NOTCH2: variants seen among roughly 807,000 people sequenced by gnomAD.
NOTCH2 encodes the protein neurogenic locus notch homolog protein 2.
Under a neutral mutation model 235.8 loss-of-function variants are expected in NOTCH2, and 29 were observed. That is an observed-to-expected ratio of 0.12 (90% confidence interval 0.09 to 0.17). NOTCH2 has a LOEUF of 0.17. Among genes scored for constraint, NOTCH2 ranks in the 10% least tolerant of loss-of-function variants. NOTCH2 has a pLI of 1.00. For synonymous variants in NOTCH2, 1,086 were observed against 1,141.5 expected, an observed-to-expected ratio of 0.95 and a Z score of 0.98; for missense variants, 2,285 against 3,150.2, an observed-to-expected ratio of 0.73 and a Z score of 6.57.
chr1:119,931,984 G>GTATA (rs57002170), intron 22 of NOTCH2, among the ~76,000 whole-genome samples: 3 of 141,810 alleles, frequency 2.1e-5, no homozygotes, highest in South Asian at 2.2e-4. Flanking sequence ...ATATATGTGT[G>GTATA]TATATATATA....
chr1:119,954,360 C>G (rs1016955623), intron 13 of NOTCH2, among the ~76,000 whole-genome samples: 5 of 152,152 alleles, frequency 3.3e-5, no homozygotes, highest in Admixed American at 3.3e-4. Flanking sequence ...TCTGAAACAC[C>G]AATACTGAGT....
intron 19 of NOTCH2, 141 bp from the exon 20 acceptor site, chr1:119,938,151 T>C (rs1440149313): frequency 2.2e-6 from 2 of 890,858 alleles, no homozygotes; most frequent in Non-Finnish European, 3.5e-6. Context: ...AAAGAGCCCT[T>C]AAACTAGATT....
At chr1:119,926,291 G>A (rs1170146138) in intron 24 of NOTCH2, among the ~76,000 whole-genome samples, 1 of 152,196 alleles carries the variant, frequency 6.6e-6, no homozygotes, top group Non-Finnish European at 1.5e-5. Context: ...TTCTGGGAGT[G>A]TCTAAACAGC....
In NOTCH2 at chr1:119,925,821, C is replaced by T. The variant is rs1341327884; in HGVS notation, c.4006-11G>A. The T allele has an allele frequency of 6.2e-7, 1 of 1,613,738 alleles. No homozygotes were observed. Among genetic ancestry groups the T allele is most frequent in the East Asian group, 2.2e-5 (1 of 44,892 alleles). ...TGCCCCGGAAAATCCCTGTGGAAATCAGTGAGGAAATAAAAATGGCATTGG... is the reference window on the plus strand; with the variant it reads ...TGCCCCGGAAAATCCCTGTGGAAATTAGTGAGGAAATAAAAATGGCATTGG... On this transcript the variant is annotated splice_polypyrimidine_tract_variant and intron_variant, in intron 24 of 33. Transcript: ENST00000256646.
At chr1:119,953,198 C>A (rs1479575627) in intron 14 of NOTCH2, among the ~76,000 whole-genome samples, 1 of 152,024 alleles carries the variant, frequency 6.6e-6, no homozygotes, top group African/African-American at 2.4e-5. Context: ...GTAATCCCAA[C>A]TACTAGGGAG....
At chr1:119,978,946 T>C (rs587717698) in intron 5 of NOTCH2, among the ~76,000 whole-genome samples, 74 of 152,340 alleles carry the variant, frequency 4.9e-4, no homozygotes, top group African/African-American at 1.6e-3. Flanking sequence ...ACATGGAGAA[T>C]GTAATGCTTA....
chr1:120,007,525 T>C (rs1653025923), intron 2 of NOTCH2, among the ~76,000 whole-genome samples: 1 of 140,730 alleles, frequency 7.1e-6, no homozygotes, highest in Admixed American at 6.8e-5. Context: ...ACCCTGGCTC[T>C]ACTAAAAATA....
chr1:119,948,655 T>C (rs1650346800), intron 16 of NOTCH2, 89 bp from the exon 17 acceptor site: 13 of 1,457,278 alleles, frequency 8.9e-6, no homozygotes, highest in Non-Finnish European at 1.2e-5. Context: ...TTGGGGTGCA[T>C]GGAGCTATTC....
chr1:119,986,280 A>G (rs888612608), intron 5 of NOTCH2, among the ~76,000 whole-genome samples: 2 of 152,216 alleles, frequency 1.3e-5, no homozygotes, highest in Admixed American at 6.5e-5. Flanking sequence ...ATAAACAGAC[A>G]TAAAGAGAAA....
rs1179745817 is a variant in NOTCH2, at chr1:119,912,411, C to G, written c.*2895G>C. On this transcript the variant is annotated 3_prime_UTR_variant, in exon 34 of 34. Coordinates refer to ENST00000256646, the MANE Select transcript of NOTCH2 (RefSeq NM_024408.4). ...ATTACACCTTTGGTTCTTTATTATG[C>G]AAAAATTACAAATTGGCAAATTCAA... is the stretch of plus-strand genomic sequence containing the variant. The G allele has an allele frequency of 4.3e-6, 1 of 233,152 alleles. No individual in the cohort carries two copies. Among genetic ancestry groups the G allele is most frequent in the Non-Finnish European group, 8.5e-6 (1 of 117,878 alleles). The allele number at this position is 233,152 out of a possible 1,614,324, so 14.4% of individuals were successfully genotyped here.
In NOTCH2 at chr1:119,959,435, A is replaced by G; in HGVS notation, c.1983T>C (p.Asp661=). 1 of 1,612,234 alleles carries G rather than the reference A, an allele frequency of 6.2e-7. No homozygotes were observed. Reference sequence around the variant, plus strand: ...AGACACAACTGTAGCGATTAATGCCATCCATACAGATTCCATGGATACAAG... The same window carrying G: ...AGACACAACTGTAGCGATTAATGCCGTCCATACAGATTCCATGGATACAAG... The part of the protein sequence containing the change: ...SNPCIHGICM[D]GINRYSCVCS... Residue 661 remains aspartate, a synonymous_variant, in exon 12 of 34, where the codon GAT becomes GAC. Coordinates refer to ENST00000256646, the MANE Select transcript of NOTCH2 (RefSeq NM_024408.4).
chr1:119,919,185 C>T, intron 31 of NOTCH2, 127 bp downstream of exon 31: 2 of 1,068,432 alleles, frequency 1.9e-6, no homozygotes, highest in Admixed American at 2.0e-5. Flanking sequence ...CCAAGCATGA[C>T]TCTAATACCT....
rs2101241905 is a variant in NOTCH2 at position 120,005,336 on chromosome 1, C to T, written c.408G>A (p.Gly136=). ...TTTGGTCTCATTAGTTACCTGTAAA[C>T]CCGACTTGACAGGTGCACTCATAGG... The part of the protein sequence containing the change: ...RDTYECTCQV[G]FTGKECQWTD... Residue 136 remains glycine (G), a synonymous_variant, in exon 3 of 34, where the codon GGG becomes GGA. Coordinates refer to ENST00000256646, the MANE Select transcript of NOTCH2 (RefSeq NM_024408.4). 2 of 1,614,032 alleles carry T rather than the reference C, an allele frequency of 1.2e-6. No homozygotes were observed. The highest frequency in any genetic ancestry group is 1.7e-6 in the Non-Finnish European group (2 of 1,179,874).
intron 5 of NOTCH2, among the ~76,000 whole-genome samples, chr1:119,973,391 G>A (rs1482184809): frequency 6.6e-6 from 1 of 152,036 alleles, no homozygotes; most frequent in Non-Finnish European, 1.5e-5. Flanking sequence ...CCACCCTCCT[G>A]GCACAGGAGA....
intron 2 of NOTCH2, among the ~76,000 whole-genome samples, chr1:120,029,041 C>G (rs111876991): frequency 0.022 from 3,358 of 150,734 alleles, 133 homozygotes; most frequent in African/African-American, 0.078. Flanking sequence ...AAGCCAAGAA[C>G]TAGCCTACAT....
intron 17 of NOTCH2, among the ~76,000 whole-genome samples, chr1:119,942,122 T>C (rs1484341076): frequency 1.3e-5 from 2 of 152,188 alleles, no homozygotes; most frequent in Non-Finnish European, 2.9e-5. Flanking sequence ...GAGGACAAAA[T>C]ACACATATTC....
intron 1 of NOTCH2, among the ~76,000 whole-genome samples, chr1:120,066,120 C>G (rs587770698): frequency 6.6e-6 from 1 of 152,002 alleles, no homozygotes; most frequent in Non-Finnish European, 1.5e-5. Flanking sequence ...ACATATTGCA[C>G]CCAGATAAAT....
intron 6 of NOTCH2, 52 bp from the exon 7 acceptor site, chr1:119,968,284 G>C (rs781942833): frequency 6.3e-7 from 1 of 1,581,084 alleles, no homozygotes; most frequent in Admixed American, 1.7e-5. Flanking sequence ...TCTCACTTGG[G>C]GAAGAGCTTT....
rs587648927 is a variant in NOTCH2 at position 120,058,365 on chromosome 1, C to T, written c.73+10969G>A. Among the ~76,000 whole-genome samples the T allele has an allele frequency of 4.7e-5, 7 of 149,422 alleles. No homozygotes were observed. The East Asian group carries it at 1.0e-3, about 22-fold the overall frequency. On this transcript the variant is annotated intron_variant, in intron 1 of 33. Coordinates refer to ENST00000256646, the MANE Select transcript of NOTCH2 (RefSeq NM_024408.4). ...CTAAAACTACAAAAAATTAGCCAGG[C>T]GTTGTGGTGCATGCCTGTAATTCCA...
Sources: gnomAD v4.1 joint callset for allele counts (sites outside exome capture counted in the v4.1 genomes callset) on GRCh38, gnomAD v4.1.1 for gene constraint, MANE v1.5 for transcripts, NCBI Gene and HGNC (gene_info 2026-07-23, HGNC 2026-07-21) for gene names.